ADGRB3: variants seen among roughly 807,000 people sequenced by gnomAD.
The protein encoded by ADGRB3 is brain-specific angiogenesis inhibitor 3.
In ADGRB3, 37 loss-of-function variants were observed where a neutral mutation model predicts 193.4. The observed-to-expected ratio is 0.19, with a 90% CI of 0.15 to 0.25. The LOEUF is 0.25. Ranked by LOEUF, ADGRB3 falls within the 10% of genes least tolerant of loss-of-function variation. The pLI is 1.00. For synonymous variants in ADGRB3, 690 were observed against 644.2 expected, an observed-to-expected ratio of 1.07 and a Z score of -1.08; for missense variants, 1,637 against 1,852.9, an observed-to-expected ratio of 0.88 and a Z score of 2.14.
At chr6:69,058,022 T>C (rs1274548185) in intron 15 of ADGRB3, among the ~76,000 whole-genome samples, 1 of 151,992 alleles carries the variant, frequency 6.6e-6, no homozygotes, top group Admixed American at 6.6e-5. Context: ...TGTTTATTCT[T>C]CTTTAAATGT....
intron 26 of ADGRB3, among the ~76,000 whole-genome samples, chr6:69,343,027 A>C (rs1310555487): frequency 6.7e-6 from 1 of 148,320 alleles, no homozygotes; most frequent in Non-Finnish European, 1.5e-5. Context: ...TCTGTGGAGG[A>C]GGTGGATCTA....
chr6:68,997,835 T>C (rs1769433882), intron 11 of ADGRB3, among the ~76,000 whole-genome samples: 1 of 152,086 alleles, frequency 6.6e-6, no homozygotes, highest in African/African-American at 2.4e-5. Context: ...TCATGAAAAA[T>C]TTAATTCAGC....
At chr6:68,983,200 T>G (rs1381793211) in intron 10 of ADGRB3, among the ~76,000 whole-genome samples, 1 of 152,002 alleles carries the variant, frequency 6.6e-6, no homozygotes. Context: ...ATATGAAATA[T>G]CTCTAATAAA....
intron 3 of ADGRB3, among the ~76,000 whole-genome samples, chr6:68,786,335 G>A (rs1766968948): frequency 1.3e-5 from 2 of 152,096 alleles, no homozygotes; most frequent in Non-Finnish European, 2.9e-5. Flanking sequence ...TTTGTATAAG[G>A]TGTAAAGAAG....
chr6:68,881,087 T>C (rs1002482180), intron 3 of ADGRB3, among the ~76,000 whole-genome samples: 1 of 152,150 alleles, frequency 6.6e-6, no homozygotes, highest in East Asian at 1.9e-4. Flanking sequence ...GGAGGGCTAA[T>C]AGGATGGTTA....
At chr6:69,063,729 T>G (rs932552591) in intron 16 of ADGRB3, among the ~76,000 whole-genome samples, 2 of 152,012 alleles carry the variant, frequency 1.3e-5, no homozygotes, top group African/African-American at 4.8e-5. Flanking sequence ...CATTCTTAAA[T>G]CTATCCAACT....
intron 3 of ADGRB3, among the ~76,000 whole-genome samples, chr6:68,686,194 T>C (rs2127300056): frequency 6.6e-6 from 1 of 152,148 alleles, no homozygotes; most frequent in Middle Eastern, 3.4e-3. Context: ...AGAAGCATTG[T>C]TGTGTGGAGA....
intron 20 of ADGRB3, among the ~76,000 whole-genome samples, chr6:69,255,812 C>G (rs981601329): frequency 3.3e-5 from 5 of 152,130 alleles, no homozygotes; most frequent in African/African-American, 4.8e-5. Context: ...CCTAGGTTTT[C>G]TTCTAAGGTT....
chr6:69,197,007 G>T (rs948409473), intron 17 of ADGRB3, among the ~76,000 whole-genome samples: 8 of 152,032 alleles, frequency 5.3e-5, no homozygotes, highest in African/African-American at 1.9e-4. Flanking sequence ...CTGCTCATTT[G>T]CTCTGAGAAT....
intron 3 of ADGRB3, among the ~76,000 whole-genome samples, chr6:68,749,937 A>T (rs551665391): frequency 6.6e-6 from 1 of 152,338 alleles, no homozygotes; most frequent in East Asian, 1.9e-4. Context: ...TAACAATTTA[A>T]TGTGGTCTTA....
At chr6:69,259,780 A>G (rs1766881197) in intron 20 of ADGRB3, among the ~76,000 whole-genome samples, 1 of 151,880 alleles carries the variant, frequency 6.6e-6, no homozygotes, top group African/African-American at 2.4e-5. Flanking sequence ...AGATCTTAGC[A>G]TTTAATTCAA....
intron 17 of ADGRB3, among the ~76,000 whole-genome samples, chr6:69,099,267 C>T (rs537927992): frequency 2.0e-5 from 3 of 152,308 alleles, no homozygotes; most frequent in Non-Finnish European, 4.4e-5. Flanking sequence ...CTCTTTTAAA[C>T]CCTTTTTAAA....
chr6:68,960,511 C>T (rs1447029442), intron 8 of ADGRB3, among the ~76,000 whole-genome samples: 1 of 152,166 alleles, frequency 6.6e-6, no homozygotes, highest in Non-Finnish European at 1.5e-5. Context: ...CATCCCCACC[C>T]TGCTTACGAA....
intron 15 of ADGRB3, among the ~76,000 whole-genome samples, chr6:69,060,538 T>G (rs1166060920): frequency 9.2e-5 from 14 of 152,018 alleles, no homozygotes; most frequent in Non-Finnish European, 2.1e-4. Flanking sequence ...TATCCATTCA[T>G]GGAACTTAAA....
At chr6:69,344,758 G>A (rs1413050251) in intron 26 of ADGRB3, among the ~76,000 whole-genome samples, 1 of 152,124 alleles carries the variant, frequency 6.6e-6, no homozygotes, top group African/African-American at 2.4e-5. Flanking sequence ...GTTGGTCTTT[G>A]AAGAGGAAGG....
intron 3 of ADGRB3, among the ~76,000 whole-genome samples, chr6:68,884,670 C>G (rs1018598859): frequency 6.6e-6 from 1 of 151,994 alleles, no homozygotes; most frequent in African/African-American, 2.4e-5. Flanking sequence ...CAACGAAAAT[C>G]TGGCAGTGAA....
rs140623029 is a variant in ADGRB3, at chr6:68,974,765, C to A, written c.1528C>A (p.Pro510Thr). The change falls in exon 9 of 32, where the codon CCT becomes ACT. Residue 510 changes from proline to threonine, a missense_variant and splice_region_variant. This residue lies in a region of ADGRB3 where 641 missense variants were observed against 673.9 expected (regional missense o/e 0.95). Coordinates refer to ENST00000370598, the MANE Select transcript of ADGRB3 (RefSeq NM_001704.3). ...AGTCCCTTTGTTTAAAATTGCAGCACCTTATGAAATATGCCCTGAGGATTA... is the reference window on the plus strand; with the variant it reads ...AGTCCCTTTGTTTAAAATTGCAGCAACTTATGAAATATGCCCTGAGGATTA... ...RRCNEQRCPA[P>T]YEICPEDYLM... 6.9e-5 allele frequency: 112 copies of A among 1,613,454 alleles called. 1 individual carries two copies. In the African/African-American group the frequency reaches 1.1e-3, roughly 16 times the overall value.
At chr6:69,346,433 G>A (rs1769090541) in intron 26 of ADGRB3, among the ~76,000 whole-genome samples, 1 of 151,744 alleles carries the variant, frequency 6.6e-6, no homozygotes, top group African/African-American at 2.4e-5. Flanking sequence ...TATGGAATGG[G>A]AGAAAATTTT....
intron 6 of ADGRB3, among the ~76,000 whole-genome samples, chr6:68,948,051 T>C (rs1302899382): frequency 1.3e-5 from 2 of 152,154 alleles, no homozygotes; most frequent in African/African-American, 4.8e-5. Flanking sequence ...AACCGGATGC[T>C]GTTCGGAAGG....
Sources: gnomAD v4.1 joint callset for allele counts (sites outside exome capture counted in the v4.1 genomes callset) on GRCh38, gnomAD v4.1.1 for gene constraint, gnomAD v4.1.1 regional missense constraint, MANE v1.5 for transcripts, NCBI Gene and HGNC (gene_info 2026-07-23, HGNC 2026-07-21) for gene names.